The following PLD1 variants were observed in gnomAD, a reference collection of about 807,000 sequenced individuals.
The protein encoded by PLD1 is phospholipase D1, also known as choline phosphatase 1.
Under a neutral mutation model 137.1 loss-of-function variants are expected in PLD1, and 112 were observed. The ratio of observed to expected loss-of-function variants is 0.82; its 90% CI spans 0.70 to 0.96. The LOEUF (loss-of-function observed/expected upper bound fraction) is 0.96. Ranked by LOEUF, PLD1 falls within the 40% of genes least tolerant of loss-of-function variation. The pLI is 0.00. For missense variants in PLD1, 1,321 were observed against 1,342.0 expected, an observed-to-expected ratio of 0.98 and a Z score of 0.24; for synonymous variants, 431 against 454.7, an observed-to-expected ratio of 0.95 and a Z score of 0.66.
In PLD1 at chr3:171,600,647, T is replaced by C. The variant is rs927878284; in HGVS notation, c.*2431A>G. ...GCAATTTTTGCAGAATGCTGTACTA[T>C]GTAAACTGCTACTGCAAAAAAAAAA... On this transcript the variant is annotated 3_prime_UTR_variant, in exon 27 of 27. Coordinates refer to ENST00000351298, the MANE Select transcript of PLD1 (RefSeq NM_002662.5). 2 of 148,412 alleles carry C rather than the reference T, an allele frequency of 1.3e-5. No individual in the cohort carries two copies. The highest frequency in any genetic ancestry group is 3.0e-5 in the Non-Finnish European group (2 of 67,698). 9.2% of individuals were successfully genotyped at this position (148,412 alleles called of 1,614,324 possible).
At chr3:171,636,649 T>C (rs1735156533) in intron 23 of PLD1, among the ~76,000 whole-genome samples, 1 of 152,110 alleles carries the variant, frequency 6.6e-6, no homozygotes, top group Admixed American at 6.5e-5. Context: ...TAATTTATTA[T>C]CTGTAATAGT....
intron 23 of PLD1, among the ~76,000 whole-genome samples, chr3:171,621,517 T>C (rs1733627947): frequency 6.6e-6 from 1 of 152,228 alleles, no homozygotes; most frequent in Admixed American, 6.5e-5. Flanking sequence ...TGATGGTTTC[T>C]ATTTTGCTAC....
chr3:171,640,856 A>G (rs551842231), intron 23 of PLD1, among the ~76,000 whole-genome samples: 6 of 152,156 alleles, frequency 3.9e-5, no homozygotes, highest in Non-Finnish European at 8.8e-5. Flanking sequence ...TCCTCTTAAG[A>G]TTTTTAGTCA....
chr3:171,648,347 GA>G (rs1736440524), intron 21 of PLD1, among the ~76,000 whole-genome samples: 1 of 151,688 alleles, frequency 6.6e-6, no homozygotes, highest in African/African-American at 2.4e-5. Flanking sequence ...ATTATACAGT[GA>G]AAAAAAATCT....
chr3:171,636,469 G>A lies in PLD1; in HGVS notation c.2593+6371C>T, dbSNP rs116187363. On this transcript the variant is annotated intron_variant, in intron 23 of 26. Coordinates refer to ENST00000351298, the MANE Select transcript of PLD1 (RefSeq NM_002662.5). ...CTTTCAAGGTTTTATTATTTTCAGC[G>A]TAGGTATCTTCCACTACCTTTATTA... Among the ~76,000 whole-genome samples the A allele has an allele frequency of 9.4e-3, 1,422 of 151,836 alleles. 30 individuals carry two copies. The highest frequency in any genetic ancestry group is 0.033 in the African/African-American group (1,354 of 41,380).
At chr3:171,710,623 G>A (rs939096698) in intron 9 of PLD1, among the ~76,000 whole-genome samples, 2 of 152,226 alleles carry the variant, frequency 1.3e-5, no homozygotes, top group Non-Finnish European at 2.9e-5. Flanking sequence ...GCCCAGTTCC[G>A]AACAGGACAC....
At chr3:171,779,411 C>G (rs769275384) in intron 1 of PLD1, among the ~76,000 whole-genome samples, 67 of 152,004 alleles carry the variant, frequency 4.4e-4, no homozygotes, top group Non-Finnish European at 8.5e-4. Context: ...ATATGAGTAA[C>G]AGGGAGAAAA....
rs1380424327 is a variant in PLD1 at position 171,679,705 on chromosome 3, A to T, written c.1868-2011T>A. Reference sequence around the variant, plus strand: ...GTCTCAGGAAATTATCTTGGTACTAATTGAATTCAACCTGCTCATAATTCA... The same window carrying T: ...GTCTCAGGAAATTATCTTGGTACTATTTGAATTCAACCTGCTCATAATTCA... On this transcript the variant is annotated intron_variant, in intron 16 of 26. Transcript: ENST00000351298. Among the ~76,000 whole-genome samples, 5 of 152,238 alleles carry T rather than the reference A, an allele frequency of 3.3e-5. No individual in the cohort carries two copies. In the East Asian group the frequency reaches 7.7e-4, roughly 23 times the overall value.
chr3:171,624,793 T>C (rs767227272), intron 23 of PLD1, among the ~76,000 whole-genome samples: 14 of 152,236 alleles, frequency 9.2e-5, no homozygotes, highest in Admixed American at 5.2e-4. Context: ...CAAGAGAATA[T>C]GCAGTATATT....
At chr3:171,805,516 C>T (rs1723809121) in intron 1 of PLD1, among the ~76,000 whole-genome samples, 1 of 152,208 alleles carries the variant, frequency 6.6e-6, no homozygotes, top group Non-Finnish European at 1.5e-5. Flanking sequence ...CCCAGGATCC[C>T]TGGCCCAATC....
At chr3:171,771,745 TA>T (rs1722363128) in intron 1 of PLD1, among the ~76,000 whole-genome samples, 2 of 152,348 alleles carry the variant, frequency 1.3e-5, no homozygotes, top group Admixed American at 6.5e-5. Flanking sequence ...AAGAGGGACA[TA>T]TGAAGTTATC....
chr3:171,686,858 A>C (rs1714618791), intron 15 of PLD1, 60 bp from the exon 16 acceptor site: 6 of 824,350 alleles, frequency 7.3e-6, no homozygotes, highest in African/African-American at 3.5e-5. Context: ...CTAAACTGGA[A>C]AGCAAAGCTG....
At chr3:171,681,541 C>A (rs1448544760) in intron 16 of PLD1, among the ~76,000 whole-genome samples, 1 of 152,184 alleles carries the variant, frequency 6.6e-6, no homozygotes, top group Non-Finnish European at 1.5e-5. Flanking sequence ...CGAATTTCTA[C>A]ATATGTTCAA....
chr3:171,624,390 T>G (rs1186174898), intron 23 of PLD1, among the ~76,000 whole-genome samples: 3 of 152,072 alleles, frequency 2.0e-5, no homozygotes, highest in Non-Finnish European at 2.9e-5. Flanking sequence ...TGAGAATGGG[T>G]TGAAGACAGA....
At chr3:171,792,549 C>A (rs1006758832) in intron 1 of PLD1, 1 of 456,320 alleles carries the variant, frequency 2.2e-6, no homozygotes, top group Admixed American at 2.4e-5. Context: ...AGGGGACAAA[C>A]CAGGAGAAGG....
intron 25 of PLD1, among the ~76,000 whole-genome samples, chr3:171,606,809 AAC>A (rs1732242776): frequency 6.6e-6 from 1 of 152,220 alleles, no homozygotes; most frequent in South Asian, 2.1e-4. Context: ...CATTATTATA[AAC>A]AGTGTTACAA....
chr3:171,783,646 ATTTG>A (rs1470708716), intron 1 of PLD1, among the ~76,000 whole-genome samples: 1 of 151,592 alleles, frequency 6.6e-6, no homozygotes, highest in Middle Eastern at 3.4e-3. Flanking sequence ...TTGCCTGTTT[ATTTG>A]TTTGTTTATT....
intron 1 of PLD1, among the ~76,000 whole-genome samples, chr3:171,790,238 T>A (rs774120700): frequency 2.0e-5 from 3 of 152,230 alleles, no homozygotes; most frequent in Non-Finnish European, 4.4e-5. Flanking sequence ...AGCCTGCTCA[T>A]GGTCTACCTG....
chr3:171,638,967 C>T (rs967573515), intron 23 of PLD1, among the ~76,000 whole-genome samples: 13 of 152,048 alleles, frequency 8.5e-5, no homozygotes, highest in African/African-American at 2.7e-4. Context: ...GTTGGAATCT[C>T]GGTCTGCTCT....
Sources: gnomAD v4.1 joint callset for allele counts (sites outside exome capture counted in the v4.1 genomes callset) on GRCh38, gnomAD v4.1.1 for gene constraint, MANE v1.5 for transcripts, NCBI Gene and HGNC (gene_info 2026-07-23, HGNC 2026-07-21) for gene names.